The following FAM163A variants were observed in gnomAD, a reference collection of about 807,000 sequenced individuals.
FAM163A encodes the protein family with sequence similarity 163 member A, also known as protein FAM163A.
FAM163A carries 7 observed loss-of-function variants against 12.0 expected under a neutral mutation model. The observed-to-expected ratio is 0.58, with a 90% confidence interval of 0.33 to 1.10. The LOEUF is 1.10. FAM163A is among the 50% of genes least tolerant of loss of function. FAM163A has a pLI of 0.03. For missense variants in FAM163A, 202 were observed against 218.6 expected, an observed-to-expected ratio of 0.92 and a Z score of 0.48; for synonymous variants, 101 against 91.0, an observed-to-expected ratio of 1.11 and a Z score of -0.62.
chr1:179,799,749 C>T (rs779113962), intron 1 of FAM163A, among the ~76,000 whole-genome samples: 3 of 152,228 alleles, frequency 2.0e-5, no homozygotes, highest in African/African-American at 4.8e-5. Context: ...CAGCACTGGC[C>T]TCTCTGAAGC....
chr1:179,810,840 T>A (rs1040433838), intron 2 of FAM163A, among the ~76,000 whole-genome samples: 9 of 152,088 alleles, frequency 5.9e-5, no homozygotes, highest in African/African-American at 1.9e-4. Context: ...GTCAGGAGTT[T>A]GAGACCAGCC....
rs1003666579 is a variant in FAM163A, at chr1:179,812,976, C to T, written c.-22-100C>T. 19 of 1,115,456 alleles carry T rather than the reference C, an allele frequency of 1.7e-5. 1 individual carries two copies. Among genetic ancestry groups the T allele is most frequent in the Non-Finnish European group, 2.3e-5 (18 of 771,118 alleles). The allele number at this position is 1,115,456 out of a possible 1,614,324, so 69.1% of individuals were successfully genotyped here. On this transcript the variant is annotated intron_variant, in intron 3 of 4. Coordinates refer to ENST00000341785, the MANE Select transcript of FAM163A (RefSeq NM_173509.3). Reference sequence around the variant, plus strand: ...CCTCCCGGCACCTGCTGCTCTCAGGCCCCCTGCCCCAGCCTCGGGGCAGTT... The same window carrying T: ...CCTCCCGGCACCTGCTGCTCTCAGGTCCCCTGCCCCAGCCTCGGGGCAGTT...
At chr1:179,803,062 T>C (rs557359460) in intron 1 of FAM163A, among the ~76,000 whole-genome samples, 7 of 152,156 alleles carry the variant, frequency 4.6e-5, no homozygotes, top group Non-Finnish European at 1.0e-4. Flanking sequence ...AATGGGCATA[T>C]ATACAATCAA....
chr1:179,764,755 G>T (rs1047430960), intron 1 of FAM163A, among the ~76,000 whole-genome samples: 3 of 152,150 alleles, frequency 2.0e-5, no homozygotes, highest in Non-Finnish European at 2.9e-5. Context: ...CACATGCTAG[G>T]GTACAAGTCC....
At chr1:179,780,978 G>C (rs1056061058) in intron 1 of FAM163A, among the ~76,000 whole-genome samples, 1 of 152,168 alleles carries the variant, frequency 6.6e-6, no homozygotes, top group Non-Finnish European at 1.5e-5. Flanking sequence ...TAAGTGTTTT[G>C]AGATCTCAGA....
At chr1:179,781,751 T>C (rs1165780026) in intron 1 of FAM163A, among the ~76,000 whole-genome samples, 1 of 151,974 alleles carries the variant, frequency 6.6e-6, no homozygotes, top group Non-Finnish European at 1.5e-5. Flanking sequence ...CTGGCCAACA[T>C]GGTGAAACCC....
chr1:179,766,533 C>T (rs1426799807), intron 1 of FAM163A, among the ~76,000 whole-genome samples: 1 of 152,210 alleles, frequency 6.6e-6, no homozygotes, highest in African/African-American at 2.4e-5. Context: ...CCCCTTGTAT[C>T]TTTGGGTCTT....
chr1:179,783,168 T>C (rs1249397522), intron 1 of FAM163A, among the ~76,000 whole-genome samples: 1 of 151,392 alleles, frequency 6.6e-6, no homozygotes, highest in East Asian at 1.9e-4. Flanking sequence ...CATTCATTCA[T>C]TCAAAATGCA....
chr1:179,793,404 G>C (rs190223430), intron 1 of FAM163A, among the ~76,000 whole-genome samples: 456 of 152,286 alleles, frequency 3.0e-3, no homozygotes, highest in Non-Finnish European at 5.6e-3. Flanking sequence ...AAATCAGAAG[G>C]CTCATCATCT....
chr1:179,790,218 C>CTTTTTTTTTTT (rs1168192716), intron 1 of FAM163A, among the ~76,000 whole-genome samples: 1 of 91,668 alleles, frequency 1.1e-5, no homozygotes, highest in Non-Finnish European at 2.1e-5. Context: ...AGCTGACTTC[C>CTTTTTTTTTTT]TTTTTTTTTT....
In FAM163A at chr1:179,758,630, C is replaced by T. The variant is rs76812463; in HGVS notation, c.-136+15207C>T. 4.4e-3 allele frequency among the ~76,000 whole-genome samples: 672 copies of T among 152,390 alleles called. 5 individuals are homozygous for T. The highest frequency in any genetic ancestry group is 0.015 in the African/African-American group (642 of 41,598). On this transcript the variant is annotated intron_variant, in intron 1 of 4. Transcript: ENST00000341785. ...ACCATTTCCTTCTTCCACTCCCTAG[C>T]TGCTTCATTAGTGTTCCTGTCCCTC... is the stretch of plus-strand genomic sequence containing the variant.
upstream of FAM163A, among the ~76,000 whole-genome samples, chr1:179,740,770 C>G (rs1346696429): frequency 6.6e-6 from 1 of 151,948 alleles, no homozygotes; most frequent in Non-Finnish European, 1.5e-5. Context: ...GGTGTGGCTA[C>G]GAAAGGGCAA....
the FAM163A span, among the ~76,000 whole-genome samples, chr1:179,733,872 G>C: frequency 6.6e-6 from 1 of 152,156 alleles, no homozygotes; most frequent in South Asian, 2.1e-4. Flanking sequence ...CCATATCCCT[G>C]TATCCACTGT....
chr1:179,740,302 T>C (rs1683483447), upstream of FAM163A, among the ~76,000 whole-genome samples: 1 of 152,120 alleles, frequency 6.6e-6, no homozygotes, highest in African/African-American at 2.4e-5. Flanking sequence ...CTTTAGCCTC[T>C]TGTGTAGCTG....
rs1246639733 is a variant in FAM163A at position 179,813,124 on chromosome 1, T to C, written c.27T>C (p.Thr9=). ...TGACAGCGGGAACGGTTGTGATCAC[T>C]GGCGGAATCCTAGCTACGGTGATCC... MTAGTVVI[T]GGILATVILL... The change falls in exon 4 of 5, where the codon ACT becomes ACC. Residue 9 remains threonine (T), a synonymous_variant. Transcript: ENST00000341785. 1 of 1,551,900 alleles carries C rather than the reference T, an allele frequency of 6.4e-7. No homozygotes were observed. The highest frequency in any genetic ancestry group is 2.4e-5 in the East Asian group (1 of 40,948).
chr1:179,775,703 A>G (rs1286392663), intron 1 of FAM163A, among the ~76,000 whole-genome samples: 1 of 152,230 alleles, frequency 6.6e-6, no homozygotes, highest in Non-Finnish European at 1.5e-5. Context: ...TCAGTATTCA[A>G]TAAATATCAG....
In FAM163A at chr1:179,815,109, G is replaced by GCGCACA. The variant is rs1273970601; in HGVS notation, c.*921_*922insGCACAC. 7.4e-5 allele frequency: 5 copies of GCGCACA among 67,230 alleles called. No individual in the cohort carries two copies. Among genetic ancestry groups the GCGCACA allele is most frequent in the African/African-American group, 3.2e-4 (5 of 15,776 alleles). 4.2% of individuals were successfully genotyped at this position (67,230 alleles called of 1,614,324 possible). On this transcript the variant is annotated 3_prime_UTR_variant, in exon 5 of 5. Transcript: ENST00000341785. Reference sequence around the variant, plus strand: ...CAGGTGTACGCACGCGCGCGCGCGCGCACAGACACACACACACACACACAC... The same window carrying GCGCACA: ...CAGGTGTACGCACGCGCGCGCGCGCGCGCACACACAGACACACACACACACACACAC...
intron 4 of FAM163A, among the ~76,000 whole-genome samples, 196 bp from the exon 5 acceptor site, chr1:179,813,583 G>A (rs113586611): frequency 3.3e-5 from 5 of 152,290 alleles, no homozygotes; most frequent in African/African-American, 1.2e-4. Flanking sequence ...TGCGAGGAGT[G>A]GTGGGAGGGG....
chr1:179,749,764 CAGG>C (rs1184747422), intron 1 of FAM163A, among the ~76,000 whole-genome samples: 1 of 152,112 alleles, frequency 6.6e-6, no homozygotes, highest in Admixed American at 6.5e-5. Flanking sequence ...GAGGCTGAGG[CAGG>C]AGAATCGCTT....
Sources: allele counts gnomAD v4.1 joint callset (sites outside exome capture counted in the v4.1 genomes callset), GRCh38; gene constraint gnomAD v4.1.1; transcripts MANE v1.5; gene names NCBI Gene and HGNC (gene_info 2026-07-23, HGNC 2026-07-21).